REV1: variants seen among roughly 807,000 people sequenced by gnomAD.
REV1 encodes translesion synthesis protein REV1.
REV1 carries 42 observed loss-of-function variants against 137.4 expected under a neutral mutation model. The ratio of observed to expected loss-of-function variants is 0.31; its 90% confidence interval spans 0.24 to 0.40. The LOEUF (loss-of-function observed/expected upper bound fraction) is 0.40. Ranked by LOEUF, REV1 falls within the 10% of genes least tolerant of loss-of-function variation. The probability of loss-of-function intolerance (pLI) is 1.00; values close to 1 mark genes in which losing one functional copy is unlikely to be tolerated. For synonymous variants in REV1, 524 were observed against 519.2 expected (o/e 1.01, Z -0.12); for missense variants, 1,282 against 1,490.1 (o/e 0.86, Z 2.30).
At chr2:99,471,323 T>C (rs1449426644) in intron 1 of REV1, among the ~76,000 whole-genome samples, 1 of 152,184 alleles carries the variant, frequency 6.6e-6, no homozygotes, top group Non-Finnish European at 1.5e-5. Flanking sequence ...AACCTCTTCA[T>C]GACCATTCAA....
At chr2:99,434,745 G>A in intron 7 of REV1, among the ~76,000 whole-genome samples, 1 of 152,136 alleles carries the variant, frequency 6.6e-6, no homozygotes. Flanking sequence ...CGTACTGTAG[G>A]AAAGAGGCAA....
Position 99,402,317 on chromosome 2 carries a change from C to T in REV1, c.3571G>A (p.Val1191Met), listed in dbSNP as rs1455918852. The T allele has an allele frequency of 4.3e-5, 66 of 1,539,218 alleles. No homozygotes were observed. Among genetic ancestry groups the T allele is most frequent in the Non-Finnish European group, 5.7e-5 (64 of 1,123,372 alleles). The change falls in exon 22 of 23, where the codon GTG (valine) becomes ATG (methionine). Residue 1191 changes from valine (V) to methionine (M), a missense_variant. By Grantham distance (21) the Val-to-Met change is conservative. This residue lies in a region of REV1 where 43 missense variants were observed against 79.1 expected (regional missense o/e 0.54). Coordinates refer to ENST00000258428, the MANE Select transcript of REV1 (RefSeq NM_016316.4). ...DPMEEDILQV[V>M]KYCTDLIEEK... is the part of the protein sequence containing the mutation. ...TCTATTAGATCAGTACAGTATTTCACAACTTGGAGAATGTCTTCTTCCATT... is the reference window on the plus strand; with the variant it reads ...TCTATTAGATCAGTACAGTATTTCATAACTTGGAGAATGTCTTCTTCCATT...
chr2:99,465,791 T>C (rs998418065), intron 1 of REV1, among the ~76,000 whole-genome samples: 1 of 152,234 alleles, frequency 6.6e-6, no homozygotes, highest in African/African-American at 2.4e-5. Flanking sequence ...TATATACATG[T>C]GTATCAAATG....
chr2:99,441,467 TAA>T (rs879434632), intron 5 of REV1, among the ~76,000 whole-genome samples: 1 of 145,178 alleles, frequency 6.9e-6, no homozygotes. Flanking sequence ...AAGCTTAAAT[TAA>T]AAAAAAAAAG....
chr2:99,455,534 A>C (rs1018461671), intron 3 of REV1, among the ~76,000 whole-genome samples: 2 of 152,242 alleles, frequency 1.3e-5, no homozygotes, highest in Non-Finnish European at 2.9e-5. Flanking sequence ...TGCAAATTTC[A>C]CATCAGGTAC....
chr2:99,486,288 G>C (rs1687118430), intron 1 of REV1, among the ~76,000 whole-genome samples: 1 of 152,236 alleles, frequency 6.6e-6, no homozygotes, highest in Admixed American at 6.5e-5. Flanking sequence ...CCAGCACTTT[G>C]GGAGGCTGAG....
chr2:99,459,033 C>T (rs952780938), intron 3 of REV1, among the ~76,000 whole-genome samples: 4 of 152,052 alleles, frequency 2.6e-5, no homozygotes, highest in Admixed American at 2.6e-4. Flanking sequence ...ACGGTGAAAC[C>T]CCGTCTCTAC....
At chr2:99,455,160 G>A (rs962265532) in intron 3 of REV1, among the ~76,000 whole-genome samples, 2 of 152,154 alleles carry the variant, frequency 1.3e-5, no homozygotes, top group African/African-American at 4.8e-5. Flanking sequence ...TTAATTAATT[G>A]TTGACTGTGC....
chr2:99,407,967 A>G, intron 15 of REV1, 62 bp downstream of exon 15: 1 of 993,178 alleles, frequency 1.0e-6, no homozygotes. Flanking sequence ...TTTGAGAGCA[A>G]GCCTCAAAAA....
At chr2:99,450,560 T>C (rs945009212) in intron 3 of REV1, among the ~76,000 whole-genome samples, 2 of 152,202 alleles carry the variant, frequency 1.3e-5, no homozygotes, top group African/African-American at 4.8e-5. Context: ...TAACAGCACA[T>C]ACAGACATAC....
chr2:99,472,782 A>G (rs929855013), intron 1 of REV1, among the ~76,000 whole-genome samples: 9 of 152,238 alleles, frequency 5.9e-5, no homozygotes, highest in African/African-American at 1.7e-4. Flanking sequence ...AAGTACATAA[A>G]GTGCTAGCAC....
intron 15 of REV1, 110 bp from the exon 16 acceptor site, chr2:99,406,600 C>G: frequency 1.2e-6 from 1 of 848,230 alleles, no homozygotes; most frequent in Non-Finnish European, 1.7e-6. Context: ...GATCCTGTTT[C>G]TAGAATAAAG....
chr2:99,477,233 G>GT (rs1475906446), intron 1 of REV1, among the ~76,000 whole-genome samples: 6 of 152,236 alleles, frequency 3.9e-5, no homozygotes, highest in Non-Finnish European at 8.8e-5. Flanking sequence ...AAAATCGGGG[G>GT]TGGCCATGTG....
chr2:99,486,305 G>A (rs1209893466), intron 1 of REV1, among the ~76,000 whole-genome samples: 4 of 152,146 alleles, frequency 2.6e-5, no homozygotes, highest in Non-Finnish European at 5.9e-5. Flanking sequence ...TGAGGCGGGC[G>A]GATCACGAGG....
chr2:99,427,160 CA>C (rs1258977520), intron 9 of REV1, among the ~76,000 whole-genome samples: 2 of 152,080 alleles, frequency 1.3e-5, no homozygotes, highest in Admixed American at 6.6e-5. Flanking sequence ...CCAGCCTGGG[CA>C]AAAGAGCAAG....
At chr2:99,455,617 C>T (rs980024888) in intron 3 of REV1, among the ~76,000 whole-genome samples, 2 of 152,154 alleles carry the variant, frequency 1.3e-5, no homozygotes, top group Non-Finnish European at 2.9e-5. Flanking sequence ...TCCTCCATCT[C>T]TTATCTACAA....
At chr2:99,433,885 A>C (rs923382602) in intron 8 of REV1, among the ~76,000 whole-genome samples, 2 of 152,222 alleles carry the variant, frequency 1.3e-5, no homozygotes, top group South Asian at 2.1e-4. Flanking sequence ...GTTATTTCTC[A>C]TAACAGGTTC....
chr2:99,416,637 T>A (rs1029299934), intron 12 of REV1, among the ~76,000 whole-genome samples: 1 of 152,096 alleles, frequency 6.6e-6, no homozygotes, highest in Non-Finnish European at 1.5e-5. Context: ...CTTCAAGAAA[T>A]AAAGTCTCAC....
At position 99,481,338 on chromosome 2, in the gene REV1, TA is replaced by T. The variant is rs1410906271; in HGVS notation, c.-11+8478del. Among the ~76,000 whole-genome samples, 3 of 152,216 alleles carry T rather than the reference TA, an allele frequency of 2.0e-5. No individual in the cohort carries two copies. In the South Asian group the frequency reaches 6.2e-4, roughly 31 times the overall value. On this transcript the variant is annotated intron_variant, in intron 1 of 22. Transcript: ENST00000258428. ...ACCCAAGCTACAAAATTTATGTAAT[TA>T]AAACATTTAACTCAAGTGAATAACC...
Sources: gnomAD v4.1 joint callset for allele counts (sites outside exome capture counted in the v4.1 genomes callset) on GRCh38, gnomAD v4.1.1 for gene constraint, gnomAD v4.1.1 regional missense constraint, MANE v1.5 for transcripts, NCBI Gene and HGNC (gene_info 2026-07-23, HGNC 2026-07-21) for gene names.